ENPP3: variants seen among roughly 807,000 people sequenced by gnomAD.
ENPP3 encodes the protein ectonucleotide pyrophosphatase/phosphodiesterase 3.
In ENPP3, 104 loss-of-function variants were observed where a neutral mutation model predicts 117.8. That is an observed-to-expected ratio of 0.88 (90% CI 0.75 to 1.04). ENPP3 has a LOEUF of 1.04. ENPP3 is among the 50% of genes least tolerant of loss of function. The probability of loss-of-function intolerance (pLI) is 0.00; values close to 1 mark genes in which losing one functional copy is unlikely to be tolerated. For synonymous variants in ENPP3, 380 were observed against 349.9 expected, an observed-to-expected ratio of 1.09 and a Z score of -0.96; for missense variants, 1,026 against 1,051.9, an observed-to-expected ratio of 0.98 and a Z score of 0.34.
At chr6:131,678,825 A>G (rs1419815750) in intron 11 of ENPP3, among the ~76,000 whole-genome samples, 2 of 152,190 alleles carry the variant, frequency 1.3e-5, no homozygotes, top group Non-Finnish European at 2.9e-5. Flanking sequence ...GTATCACAGA[A>G]TTGTATGCCT....
Position 131,693,540 on chromosome 6 carries a change from A to G in ENPP3, c.1328A>G (p.Asp443Gly). The change falls in exon 15 of 25, where the codon GAT (aspartate) becomes GGT (glycine). Residue 443 changes from aspartate to glycine, a missense_variant. Physicochemically the swap from Asp to Gly is moderately conservative, Grantham distance 94. Coordinates refer to ENST00000357639, the MANE Select transcript of ENPP3 (RefSeq NM_005021.5). Reference protein sequence around the residue: ...DQHFKPYLTPDLPKRLHYAKN... With the variant: ...DQHFKPYLTPGLPKRLHYAKN... ...CATTTCAAGCCCTATTTGACTCCTG[A>G]TTTGCCAAAGCGACTGCACTATGCC... 1 of 1,613,402 alleles carries G rather than the reference A, an allele frequency of 6.2e-7. No individual in the cohort carries two copies.
intron 6 of ENPP3, among the ~76,000 whole-genome samples, chr6:131,664,683 C>A (rs977129607): frequency 1.3e-5 from 2 of 152,048 alleles, no homozygotes; most frequent in Non-Finnish European, 2.9e-5. Flanking sequence ...TGTACATTTT[C>A]TATATTTAGA....
intron 2 of ENPP3, among the ~76,000 whole-genome samples, chr6:131,643,720 C>T (rs897640446): frequency 3.3e-5 from 5 of 151,994 alleles, no homozygotes; most frequent in South Asian, 2.1e-4. Context: ...CATGACTACA[C>T]GTATTTTTTG....
Position 131,710,264 on chromosome 6 carries a change from T to C in ENPP3, c.1413-8408T>C, listed in dbSNP as rs200388534. On this transcript the variant is annotated intron_variant, in intron 15 of 24. Transcript: ENST00000357639. Reference sequence around the variant, plus strand: ...TTCAGAACTTGTTCTGCGTGTACTTTGGAGTCTTCAAATGTTATTTTCTGT... The same window carrying C: ...TTCAGAACTTGTTCTGCGTGTACTTCGGAGTCTTCAAATGTTATTTTCTGT... 5.7e-4 allele frequency: 903 copies of C among 1,594,088 alleles called. No homozygotes were observed. Among genetic ancestry groups the C allele is most frequent in the Non-Finnish European group, 7.2e-4 (845 of 1,172,022 alleles).
intron 22 of ENPP3, 129 bp downstream of exon 22, chr6:131,737,561 A>G (rs915632977): frequency 3.9e-5 from 24 of 614,416 alleles, no homozygotes; most frequent in Non-Finnish European, 4.9e-5. Context: ...AATGGTTTAA[A>G]TATAGGTATA....
At chr6:131,710,990 G>T in intron 15 of ENPP3, 1 of 1,579,968 alleles carries the variant, frequency 6.3e-7, no homozygotes, top group East Asian at 2.3e-5. Flanking sequence ...CCCAGGTAGG[G>T]CTGAGGGGTA....
At chr6:131,743,855 AAAGTC>A (rs1446757209) in intron 24 of ENPP3, among the ~76,000 whole-genome samples, 1 of 149,002 alleles carries the variant, frequency 6.7e-6, no homozygotes, top group Non-Finnish European at 1.5e-5. Flanking sequence ...AAAATAAAAT[AAAGTC>A]AATAGAGAGT....
At chr6:131,691,710 T>A (rs1002607092) in intron 14 of ENPP3, among the ~76,000 whole-genome samples, 1 of 152,064 alleles carries the variant, frequency 6.6e-6, no homozygotes, top group Non-Finnish European at 1.5e-5. Flanking sequence ...GTAGTGAGCC[T>A]CCGGTTTTCT....
chr6:131,685,703 T>G (rs2114427844), intron 13 of ENPP3, among the ~76,000 whole-genome samples, 173 bp from the exon 14 acceptor site: 1 of 152,346 alleles, frequency 6.6e-6, no homozygotes, highest in Admixed American at 6.5e-5. Context: ...AAATATATCC[T>G]ACTCAGTTCT....
At chr6:131,693,696 A>G (rs745976110) in intron 15 of ENPP3, 72 bp downstream of exon 15, 1 of 1,434,938 alleles carries the variant, frequency 7.0e-7, no homozygotes, top group Admixed American at 1.9e-5. Context: ...ACTTAACCTT[A>G]CCCTGCTATT....
chr6:131,719,405 A>G (rs1779967803), intron 16 of ENPP3, among the ~76,000 whole-genome samples: 3 of 146,486 alleles, frequency 2.0e-5, no homozygotes, highest in Admixed American at 2.0e-4. Context: ...ACACACACAC[A>G]CACACACACA....
Position 131,652,650 on chromosome 6 carries a change from A to T in ENPP3, c.386A>T (p.Tyr129Phe). ...CLQRKDCCAD[Y>F]KSVCQGETSW... Reference sequence around the variant, plus strand: ...CAGAGGAAAGATTGCTGTGCTGACTATAAGAGTGTTTGCCAAGGTGAGCAG... The same window carrying T: ...CAGAGGAAAGATTGCTGTGCTGACTTTAAGAGTGTTTGCCAAGGTGAGCAG... The change falls in exon 4 of 25, where the codon TAT becomes TTT. Residue 129 changes from tyrosine (Y) to phenylalanine (F), a missense_variant. Tyr to Phe is a conservative substitution (Grantham distance 22). Coordinates refer to ENST00000357639, the MANE Select transcript of ENPP3 (RefSeq NM_005021.5). 1 of 1,614,064 alleles carries T rather than the reference A, an allele frequency of 6.2e-7. No homozygotes were observed. The highest frequency in any genetic ancestry group is 2.2e-5 in the East Asian group (1 of 44,868).
chr6:131,674,165 T>G lies in ENPP3; in HGVS notation c.646T>G (p.Leu216Val), dbSNP rs1432687475. Residue 216 changes from leucine (L) to valine (V), a missense_variant, in exon 8 of 25, where the codon TTG (leucine) becomes GTG (valine). By Grantham distance (32) the Leu-to-Val change is conservative (BLOSUM62 1). Transcript: ENST00000357639. ...TTTTTTGAAATTATCATTTTAGGGC[T>G]TGTATCCAGAGTCACATGGCATCAT... ...FPNHYTIVTG[L>V]YPESHGIIDN... 6.5e-7 allele frequency: 1 copy of G among 1,531,056 alleles called. No individual in the cohort carries two copies. 94.8% of individuals were successfully genotyped at this position (1,531,056 alleles called of 1,614,324 possible). A position where few individuals can be genotyped will look rare whatever the true frequency, so the allele number is the denominator to read the frequency against.
intron 3 of ENPP3, among the ~76,000 whole-genome samples, chr6:131,651,108 C>T (rs1272211378): frequency 3.3e-5 from 5 of 151,908 alleles, no homozygotes; most frequent in Admixed American, 1.3e-4. Context: ...TTGGTAGAGA[C>T]GGGGTTTCAC....
At chr6:131,737,455 A>C (rs776522656) in intron 22 of ENPP3, 23 bp downstream of exon 22, 1 of 1,334,220 alleles carries the variant, frequency 7.5e-7, no homozygotes, top group South Asian at 1.2e-5. Flanking sequence ...TTAGAGTATT[A>C]ATTTTAAAAT....
intron 2 of ENPP3, among the ~76,000 whole-genome samples, chr6:131,643,398 C>T (rs1273930953): frequency 6.6e-6 from 1 of 152,122 alleles, no homozygotes; most frequent in African/African-American, 2.4e-5. Flanking sequence ...TTTAGTACAC[C>T]CATTGGCTGG....
At position 131,740,315 on chromosome 6, in the gene ENPP3, C is replaced by T; in HGVS notation, c.2392C>T (p.Pro798Ser). Residue 798 changes from proline to serine, a missense_variant, in exon 24 of 25, where the codon CCT becomes TCT. By Grantham distance (74) the Pro-to-Ser change is moderately conservative. Transcript: ENST00000357639. ...CAAGAGCCACACACCGGAAAACTGC[C>T]CTGGGTGGCTGGATGTCCTACCCTT... ...KNKSHTPENCPGWLDVLPFII... is the reference protein window; with the variant it reads ...KNKSHTPENCSGWLDVLPFII... 3.1e-6 allele frequency: 5 copies of T among 1,613,086 alleles called. No homozygotes were observed. The highest frequency in any genetic ancestry group is 4.2e-6 in the Non-Finnish European group (5 of 1,179,458).
chr6:131,684,126 G>A (rs903110001), intron 12 of ENPP3, among the ~76,000 whole-genome samples: 1 of 152,106 alleles, frequency 6.6e-6, no homozygotes, highest in Non-Finnish European at 1.5e-5. Flanking sequence ...TCCTAGCTAG[G>A]GTGGTCAAAC....
chr6:131,681,313 G>C (rs1211333598), intron 11 of ENPP3, among the ~76,000 whole-genome samples: 1 of 152,102 alleles, frequency 6.6e-6, no homozygotes, highest in African/African-American at 2.4e-5. Flanking sequence ...ACAACTGACT[G>C]TTCTGGTAGC....
Sources: gnomAD v4.1 joint callset for allele counts (sites outside exome capture counted in the v4.1 genomes callset) on GRCh38, gnomAD v4.1.1 for gene constraint, MANE v1.5 for transcripts, NCBI Gene and HGNC (gene_info 2026-07-23, HGNC 2026-07-21) for gene names.